NALF1: variants seen among roughly 807,000 people sequenced by gnomAD.
NALF1 encodes NALCN channel auxiliary factor 1, also known as family with sequence similarity 155 member A.
Under a neutral mutation model 48.4 loss-of-function variants are expected in NALF1, and 3 were observed. That is an observed-to-expected ratio of 0.06 (90% CI 0.03 to 0.16). NALF1 has a LOEUF of 0.16. NALF1 is among the 10% of genes least tolerant of loss of function. NALF1 has a pLI of 1.00. For missense variants in NALF1, 526 were observed against 571.5 expected (o/e 0.92, Z 0.81); for synonymous variants, 262 against 245.7 (o/e 1.07, Z -0.62).
intron 1 of NALF1, among the ~76,000 whole-genome samples, chr13:107,371,227 G>A (rs1474480959): frequency 2.0e-5 from 3 of 152,090 alleles, no homozygotes; most frequent in African/African-American, 4.8e-5. Context: ...AGAGAGAATC[G>A]CTTGAGCACA....
intron 1 of NALF1, among the ~76,000 whole-genome samples, chr13:107,262,485 T>C (rs1880947834): frequency 6.6e-6 from 1 of 152,190 alleles, no homozygotes; most frequent in Non-Finnish European, 1.5e-5. Flanking sequence ...ATGCTTATAC[T>C]ATACATCAAA....
At chr13:107,358,048 G>A (rs1882993153) in intron 1 of NALF1, among the ~76,000 whole-genome samples, 1 of 152,064 alleles carries the variant, frequency 6.6e-6, no homozygotes, top group African/African-American at 2.4e-5. Context: ...ATGCACACGT[G>A]TGCATATGCA....
At chr13:107,290,404 T>C (rs1314451186) in intron 1 of NALF1, among the ~76,000 whole-genome samples, 1 of 152,160 alleles carries the variant, frequency 6.6e-6, no homozygotes. Flanking sequence ...TTACTATGTG[T>C]TGTGAGAGGG....
At chr13:107,768,319 T>C (rs915608120) in intron 1 of NALF1, among the ~76,000 whole-genome samples, 2 of 152,192 alleles carry the variant, frequency 1.3e-5, no homozygotes, top group Admixed American at 6.5e-5. Context: ...TGGCAAGTTA[T>C]TTCAATACTG....
intron 1 of NALF1, among the ~76,000 whole-genome samples, chr13:107,323,214 G>C (rs1357705943): frequency 1.3e-5 from 2 of 152,068 alleles, no homozygotes; most frequent in Non-Finnish European, 2.9e-5. Flanking sequence ...CCGTGCTATA[G>C]AACTTCTGAT....
At chr13:107,737,171 G>C (rs1876491417) in intron 1 of NALF1, among the ~76,000 whole-genome samples, 1 of 152,118 alleles carries the variant, frequency 6.6e-6, no homozygotes, top group South Asian at 2.1e-4. Context: ...AGAAACACCA[G>C]TGTCTTCTTA....
At chr13:107,260,561 T>TC (rs1880910223) in intron 1 of NALF1, among the ~76,000 whole-genome samples, 1 of 152,236 alleles carries the variant, frequency 6.6e-6, no homozygotes, top group Non-Finnish European at 1.5e-5. Context: ...TCCAGCTCTG[T>TC]TTCTTCCATT....
chr13:107,563,977 G>T (rs974143542), intron 1 of NALF1, among the ~76,000 whole-genome samples: 5 of 152,122 alleles, frequency 3.3e-5, no homozygotes, highest in Admixed American at 3.3e-4. Flanking sequence ...CCTTTACAAG[G>T]ATCTATAAAC....
chr13:107,526,493 T>G (rs1876447742), intron 1 of NALF1, among the ~76,000 whole-genome samples: 1 of 140,440 alleles, frequency 7.1e-6, no homozygotes, highest in African/African-American at 2.7e-5. Context: ...ATTATTCATC[T>G]CATCCATTAT....
chr13:107,569,426 G>C (rs9555374), intron 1 of NALF1, among the ~76,000 whole-genome samples: 107,731 of 151,266 alleles, frequency 0.71, 38,785 homozygotes, highest in East Asian at 0.8. Flanking sequence ...GAGCCGAGAT[G>C]GCGCCACCGC....
chr13:107,179,945 A>G (rs771215329), intron 2 of NALF1, among the ~76,000 whole-genome samples: 9 of 137,366 alleles, frequency 6.6e-5, no homozygotes, highest in Non-Finnish European at 1.3e-4. Flanking sequence ...TCCCAGGCCC[A>G]CCGCAATCTA....
intron 1 of NALF1, among the ~76,000 whole-genome samples, chr13:107,222,226 G>A (rs748958007): frequency 6.6e-5 from 10 of 151,898 alleles, no homozygotes; most frequent in African/African-American, 2.4e-4. Flanking sequence ...TTCTGGTCCC[G>A]GTCTTAAGAC....
chr13:107,563,353 A>T (rs1215698310), intron 1 of NALF1, among the ~76,000 whole-genome samples: 1 of 152,284 alleles, frequency 6.6e-6, no homozygotes, highest in African/African-American at 2.4e-5. Context: ...CCTACTGCCG[A>T]AAGTGTGATA....
At chr13:107,602,584 AT>A (rs1268527952) in intron 1 of NALF1, among the ~76,000 whole-genome samples, 1 of 152,178 alleles carries the variant, frequency 6.6e-6, no homozygotes, top group East Asian at 1.9e-4. Context: ...GCTTATTAAT[AT>A]TTTCCTATTT....
intron 1 of NALF1, among the ~76,000 whole-genome samples, chr13:107,329,463 C>T (rs1882426143): frequency 6.6e-6 from 1 of 151,900 alleles, no homozygotes; most frequent in Non-Finnish European, 1.5e-5. Context: ...AGTAGCTTCA[C>T]TCCTGGGAAT....
intron 1 of NALF1, among the ~76,000 whole-genome samples, chr13:107,800,445 A>C (rs1878570737): frequency 6.6e-6 from 1 of 151,662 alleles, no homozygotes; most frequent in Admixed American, 6.6e-5. Flanking sequence ...ACTAAGTTTA[A>C]ATAGAAATAA....
At chr13:107,360,051 G>A (rs1399565614) in intron 1 of NALF1, among the ~76,000 whole-genome samples, 1 of 152,028 alleles carries the variant, frequency 6.6e-6, no homozygotes, top group Non-Finnish European at 1.5e-5. Flanking sequence ...AATGACTTGT[G>A]GCAACATGCA....
chr13:107,726,945 G>GTA (rs1331089825), intron 1 of NALF1, among the ~76,000 whole-genome samples: 7 of 151,058 alleles, frequency 4.6e-5, no homozygotes, highest in African/African-American at 2.4e-5. Context: ...GTGTGTGTGT[G>GTA]TGTGTGTGTG....
intron 1 of NALF1, among the ~76,000 whole-genome samples, chr13:107,650,602 G>GA (rs1274566706): frequency 2.0e-5 from 3 of 151,664 alleles, no homozygotes; most frequent in Non-Finnish European, 2.9e-5. Flanking sequence ...AGGGGAAAGG[G>GA]AAAAAAACTG....
Sources: gnomAD v4.1 joint callset for allele counts (sites outside exome capture counted in the v4.1 genomes callset) on GRCh38, gnomAD v4.1.1 for gene constraint, MANE v1.5 for transcripts, NCBI Gene and HGNC (gene_info 2026-07-23, HGNC 2026-07-21) for gene names.